LRRC37A2: variants seen among roughly 807,000 people sequenced by gnomAD.
LRRC37A2 encodes the protein leucine-rich repeat-containing protein 37A2.
A neutral mutation model predicts 68.8 loss-of-function variants in LRRC37A2; 9 were observed. That is an observed-to-expected ratio of 0.13 (90% CI 0.08 to 0.23). The LOEUF is 0.23. LRRC37A2 is among the 10% of genes least tolerant of loss of function. LRRC37A2 has a pLI of 1.00. For missense variants in LRRC37A2, 168 were observed against 950.4 expected (o/e 0.18, Z 10.82); for synonymous variants, 63 against 367.6 (o/e 0.17, Z 9.48).
the LRRC37A2 span, among the ~76,000 whole-genome samples, chr17:46,778,802 C>T: frequency 1.3e-5 from 2 of 152,050 alleles, no homozygotes; most frequent in Non-Finnish European, 2.9e-5. Flanking sequence ...CACTGCCCGG[C>T]CCCCGGCAAC....
At chr17:46,631,088 A>ACACACACACACACACACACACACG in the LRRC37A2 span, among the ~76,000 whole-genome samples, 2 of 145,932 alleles carry the variant, frequency 1.4e-5, no homozygotes, top group East Asian at 3.9e-4. Context: ...ACACACACAC[A>ACACACACACACACACACACACACG]CACACACACA....
At chr17:46,854,109 G>A in the LRRC37A2 span, among the ~76,000 whole-genome samples, 1 of 152,182 alleles carries the variant, frequency 6.6e-6, no homozygotes, top group African/African-American at 2.4e-5. Context: ...TGGGGAGCAG[G>A]ACAGATGCTC....
chr17:46,945,314 G>C, the LRRC37A2 span, among the ~76,000 whole-genome samples: 2 of 152,190 alleles, frequency 1.3e-5, no homozygotes. Flanking sequence ...ATGCTGCTGA[G>C]ATGCTACTGA....
At chr17:46,714,028 A>G in the LRRC37A2 span, 6 of 1,577,114 alleles carry the variant, frequency 3.8e-6, no homozygotes, top group East Asian at 1.1e-4. Context: ...TATCTCTTAA[A>G]TGTGTGTGTG....
At chr17:47,037,479 AT>A in the LRRC37A2 span, among the ~76,000 whole-genome samples, 2 of 152,170 alleles carry the variant, frequency 1.3e-5, 1 homozygote, top group Non-Finnish European at 2.9e-5. Context: ...GAATCGTGCT[AT>A]TATTATCTGC....
chr17:46,532,372 G>A lies in LRRC37A2; in HGVS notation c.2907-7804G>A, dbSNP rs1335775120. Reference sequence around the variant, plus strand: ...CTACATTCATAAGAAATACTGGTCTGTAATTTTTTGTGTGTGATGTCTTTA... The same window carrying A: ...CTACATTCATAAGAAATACTGGTCTATAATTTTTTGTGTGTGATGTCTTTA... On this transcript the variant is annotated intron_variant, in intron 6 of 14. Coordinates refer to ENST00000576629, the Ensembl canonical transcript of LRRC37A2. Among the ~76,000 whole-genome samples, 14 of 150,480 alleles carry A rather than the reference G, an allele frequency of 9.3e-5. 2 individuals carry two copies. In the East Asian group the frequency reaches 2.7e-3, roughly 29 times the overall value.
chr17:46,728,123 C>T, the LRRC37A2 span, among the ~76,000 whole-genome samples: 2 of 152,074 alleles, frequency 1.3e-5, no homozygotes, highest in Non-Finnish European at 2.9e-5. Context: ...GGTGCATATG[C>T]AGTATGCAGA....
the LRRC37A2 span, among the ~76,000 whole-genome samples, chr17:46,874,142 G>A: frequency 6.6e-6 from 1 of 152,166 alleles, no homozygotes; most frequent in Admixed American, 6.5e-5. Context: ...AGGGCAGGCA[G>A]GAAGTAGTGA....
chr17:47,034,215 A>T, the LRRC37A2 span, among the ~76,000 whole-genome samples: 943 of 152,348 alleles, frequency 6.2e-3, 16 homozygotes, highest in East Asian at 0.053. Context: ...ATAAATAAAT[A>T]AAAACATTCA....
chr17:46,691,475 A>G, the LRRC37A2 span, among the ~76,000 whole-genome samples: 1 of 127,604 alleles, frequency 7.8e-6, no homozygotes, highest in African/African-American at 3.1e-5. Flanking sequence ...CATGCCTACA[A>G]TCCCAGCTAC....
the LRRC37A2 span, among the ~76,000 whole-genome samples, chr17:46,499,311 CAAAA>C: frequency 5.0e-5 from 3 of 60,560 alleles, no homozygotes; most frequent in South Asian, 1.1e-3. Flanking sequence ...GACTCCAGCT[CAAAA>C]AAAAAAAAAA....
At chr17:46,759,236 G>C in the LRRC37A2 span, among the ~76,000 whole-genome samples, 2 of 152,194 alleles carry the variant, frequency 1.3e-5, no homozygotes, top group Admixed American at 1.3e-4. Flanking sequence ...GGAAGGGTGT[G>C]TATGAGAGTT....
At chr17:46,935,846 C>G in the LRRC37A2 span, 1 of 986,058 alleles carries the variant, frequency 1.0e-6, no homozygotes, top group South Asian at 4.7e-5. Context: ...AGCCTCTGCC[C>G]TTTTCCTGTA....
the LRRC37A2 span, among the ~76,000 whole-genome samples, chr17:46,820,104 C>G: frequency 2.0e-5 from 3 of 152,218 alleles, no homozygotes; most frequent in South Asian, 2.1e-4. Flanking sequence ...GGAAGTCTTA[C>G]GCCAGGGGGC....
the LRRC37A2 span, chr17:46,833,006 T>G: frequency 3.7e-6 from 1 of 272,572 alleles, no homozygotes; most frequent in East Asian, 1.1e-4. Flanking sequence ...ACAGGCCCCT[T>G]TAGGCTGTGC....
At chr17:46,951,812 C>A in the LRRC37A2 span, among the ~76,000 whole-genome samples, 8 of 152,180 alleles carry the variant, frequency 5.3e-5, no homozygotes, top group Admixed American at 2.6e-4. Context: ...ACAGGGCCCT[C>A]TCTTCCCCCA....
At chr17:46,822,793 C>T in the LRRC37A2 span, among the ~76,000 whole-genome samples, 2 of 152,074 alleles carry the variant, frequency 1.3e-5, no homozygotes, top group Admixed American at 1.3e-4. Context: ...CCAGGGCGCA[C>T]TGGGGCACCG....
chr17:46,994,431 G>A, the LRRC37A2 span, among the ~76,000 whole-genome samples: 1 of 151,990 alleles, frequency 6.6e-6, no homozygotes, highest in Admixed American at 6.6e-5. Context: ...TGAAGAGTGG[G>A]GAGGGTGGGA....
the LRRC37A2 span, among the ~76,000 whole-genome samples, chr17:46,944,826 C>T: frequency 2.0e-5 from 3 of 152,108 alleles, no homozygotes; most frequent in East Asian, 1.9e-4. Flanking sequence ...TCTCGAACTC[C>T]TGACTTCAGG....
Sources: allele counts gnomAD v4.1 joint callset (sites outside exome capture counted in the v4.1 genomes callset), GRCh38; gene constraint gnomAD v4.1.1; transcripts MANE v1.5; gene names NCBI Gene and HGNC (gene_info 2026-07-23, HGNC 2026-07-21).